Variants in SSC5D observed in about 807,000 individuals in gnomAD.
The protein encoded by SSC5D is scavenger receptor cysteine rich family member with 5 domains, also known as soluble scavenger receptor cysteine-rich domain-containing protein SSC5D.
A neutral mutation model predicts 104.6 loss-of-function variants in SSC5D; 106 were observed. The observed-to-expected ratio is 1.01, with a 90% CI of 0.87 to 1.19. SSC5D has a LOEUF of 1.19. Among genes scored for constraint, SSC5D ranks in the 50% most tolerant of loss-of-function variants. The pLI, the probability that SSC5D is intolerant of heterozygous loss-of-function variation, is 0.00. For missense variants in SSC5D, 1,993 were observed against 2,153.8 expected (o/e 0.93, Z 1.48); for synonymous variants, 860 against 883.5 (o/e 0.97, Z 0.47).
In SSC5D at chr19:55,494,722, G is replaced by C. The variant is rs61733818; in HGVS notation, c.1326G>C (p.Thr442=). 3 of 1,550,142 alleles carry C rather than the reference G, an allele frequency of 1.9e-6. No individual in the cohort carries two copies. Among genetic ancestry groups the C allele is most frequent in the Non-Finnish European group, 2.6e-6 (3 of 1,146,636 alleles). ...PSTMTSQAPG[T]AGVSPPPASP... The stretch of plus-strand genomic sequence containing the variant: ...CCATGACGAGCCAGGCTCCAGGGAC[G>C]GCAGGCGTTTCACCTCCTCCAGCCT... The change falls in exon 8 of 14, where the codon ACG becomes ACC. Residue 442 remains threonine, a synonymous_variant. Transcript: ENST00000389623.
intron 12 of SSC5D, chr19:55,504,416 C>T: frequency 8.9e-7 from 1 of 1,127,352 alleles, no homozygotes; most frequent in Non-Finnish European, 1.2e-6. Context: ...ACGAGGCAGG[C>T]ATGCATTCTT....
Position 55,501,180 on chromosome 19 carries a change from A to G in SSC5D, c.2764A>G (p.Ile922Val), listed in dbSNP as rs1474913597. The change falls in exon 12 of 14, where the codon ATA (isoleucine) becomes GTA (valine). Residue 922 changes from isoleucine to valine, a missense_variant. By Grantham distance (29) the Ile-to-Val change is conservative (BLOSUM62 3). Transcript: ENST00000389623. ...GCGCCCGGGTAGCTCCTCCCCAGCA[A>G]TAAGGCGCCTGCCGGACACAGGTGA... The part of the protein sequence containing the change: ...TRRPGSSSPA[I>V]RRLPDTGSKD... The G allele has an allele frequency of 1.5e-5, 23 of 1,538,556 alleles. No individual in the cohort carries two copies. Among genetic ancestry groups the G allele is most frequent in the Non-Finnish European group, 1.8e-5 (20 of 1,141,512 alleles).
At chr19:55,506,084 G>T (rs2123450659) in intron 12 of SSC5D, among the ~76,000 whole-genome samples, 1 of 151,874 alleles carries the variant, frequency 6.6e-6, no homozygotes, top group Non-Finnish European at 1.5e-5. Flanking sequence ...GGCTAATCAG[G>T]ATAATTTCTC....
chr19:55,517,843 C>T lies in SSC5D; in HGVS notation c.3567C>T (p.Thr1189=). The change falls in exon 14 of 14, where the codon ACC becomes ACT. Residue 1189 remains threonine, a synonymous_variant. Coordinates refer to ENST00000389623, the MANE Select transcript of SSC5D (RefSeq NM_001144950.2). The stretch of plus-strand genomic sequence containing the variant: ...CCACCACGACCCCTCACCCCACCAC[C>T]ATCACTCACTCCACCATGATTCCTG... ...PHPTTTPHPT[T]ITHSTMIPDP... is the part of the protein sequence containing the mutation. The T allele has an allele frequency of 6.6e-7, 1 of 1,512,796 alleles. No homozygotes were observed. Among genetic ancestry groups the T allele is most frequent in the Non-Finnish European group, 8.9e-7 (1 of 1,125,950 alleles). 93.7% of individuals were successfully genotyped at this position (1,512,796 alleles called of 1,614,324 possible). A position where few individuals can be genotyped will look rare whatever the true frequency, so the allele number is the denominator to read the frequency against.
rs869296361 is a variant in SSC5D, at chr19:55,506,373, A to ATT, written c.2785+5210_2785+5211dup. Among the ~76,000 whole-genome samples the ATT allele has an allele frequency of 1.9e-4, 14 of 72,064 alleles. 1 individual carries two copies. Among genetic ancestry groups the ATT allele is most frequent in the African/African-American group, 6.7e-4 (12 of 18,034 alleles). 47.3% of individuals were successfully genotyped at this position (72,064 alleles called of 152,430 possible). ...GAGATTGGAGGCCTGTGGAATTTGG[A>ATT]TTTTTTTTTTTTTTTTTTTTTTTTT... On this transcript the variant is annotated intron_variant, in intron 12 of 13. Transcript: ENST00000389623.
chr19:55,493,571 T>C, intron 6 of SSC5D, 24 bp from the exon 7 acceptor site: 1 of 1,412,480 alleles, frequency 7.1e-7, no homozygotes. Context: ...TTCCTGGCCC[T>C]GTGCTCCCTC....
chr19:55,500,791 G>A lies in SSC5D; in HGVS notation c.2604G>A (p.Gly868=), dbSNP rs1457867265. The change falls in exon 11 of 14, where the codon GGG becomes GGA. Residue 868 remains glycine (G), a synonymous_variant. Coordinates refer to ENST00000389623, the MANE Select transcript of SSC5D (RefSeq NM_001144950.2). The surrounding 1 kb of genome is among the most constrained non-coding windows in gnomAD (Gnocchi z 4.6). ...KHNCDHEEDV[G]LTCTGYTDYD... ...ACTGTGACCACGAGGAAGACGTGGG[G>A]CTCACCTGCACTGGTACCAGGGCAT... The A allele has an allele frequency of 3.2e-6, 5 of 1,549,998 alleles. No homozygotes were observed. Among genetic ancestry groups the A allele is most frequent in the Non-Finnish European group, 4.4e-6 (5 of 1,145,860 alleles).
rs765546417 is a variant in SSC5D at position 55,517,236 on chromosome 19, A to C, written c.2960A>C (p.Lys987Thr). ...CCTCCTCCTCCAGGTTCCCCGAGGAAACCGTGGCCCGAGCGCCGGCCACCG... is the reference window on the plus strand; with the variant it reads ...CCTCCTCCTCCAGGTTCCCCGAGGACACCGTGGCCCGAGCGCCGGCCACCG... Reference protein sequence around the residue: ...RVHGDTGSPRKPWPERRPPRP... With the variant: ...RVHGDTGSPRTPWPERRPPRP... The change falls in exon 14 of 14, where the codon AAA (lysine) becomes ACA (threonine). Residue 987 changes from lysine to threonine, a missense_variant. By Grantham distance (78) the Lys-to-Thr change is moderately conservative (BLOSUM62 -1). Around this residue, in one of 6 missense-constraint regions of SSC5D, gnomAD observed 423 missense variants for 409.2 expected, o/e 1.03. Coordinates refer to ENST00000389623, the MANE Select transcript of SSC5D (RefSeq NM_001144950.2). 6.5e-7 allele frequency: 1 copy of C among 1,539,434 alleles called. No individual in the cohort carries two copies.
chr19:55,517,227 C>A lies in SSC5D; in HGVS notation c.2951C>A (p.Ser984Tyr). ...PTLRVHGDTG[S>Y]PRKPWPERRP... Reference sequence around the variant, plus strand: ...TCTGTCTTTCCTCCTCCTCCAGGTTCCCCGAGGAAACCGTGGCCCGAGCGC... The same window carrying A: ...TCTGTCTTTCCTCCTCCTCCAGGTTACCCGAGGAAACCGTGGCCCGAGCGC... The change falls in exon 14 of 14, where the codon TCC becomes TAC. Residue 984 changes from serine (S) to tyrosine (Y), a missense_variant. Ser to Tyr is a moderately radical substitution (Grantham distance 144, BLOSUM62 -2). Around this residue, in one of 6 missense-constraint regions of SSC5D, gnomAD observed 423 missense variants for 409.2 expected, o/e 1.03. Coordinates refer to ENST00000389623, the MANE Select transcript of SSC5D (RefSeq NM_001144950.2). 2 of 1,537,300 alleles carry A rather than the reference C, an allele frequency of 1.3e-6. No individual in the cohort carries two copies. The highest frequency in any genetic ancestry group is 1.7e-6 in the Non-Finnish European group (2 of 1,145,890).
intron 2 of SSC5D, 130 bp downstream of exon 2, chr19:55,489,162 T>C (rs1225695304): frequency 1.1e-6 from 1 of 889,178 alleles, no homozygotes; most frequent in Non-Finnish European, 1.6e-6. Flanking sequence ...TGGCCCCAGC[T>C]CCGCAAGGGA....
In SSC5D at chr19:55,507,665, C is replaced by CAAA. The variant is rs61340967; in HGVS notation, c.2786-5325_2786-5323dup. Among the ~76,000 whole-genome samples the CAAA allele has an allele frequency of 2.0e-3, 153 of 75,430 alleles. No homozygotes were observed. In the Middle Eastern group the frequency reaches 0.034, roughly 17 times the overall value. 49.5% of individuals were successfully genotyped at this position (75,430 alleles called of 152,430 possible). On this transcript the variant is annotated intron_variant, in intron 12 of 13. Transcript: ENST00000389623. ...TGGGTGACAGAGCGAGACTCCGTCT[C>CAAA]AAAAAAAAAAAAAAAAAAAAAAAGA...
At position 55,517,589 on chromosome 19, in the gene SSC5D, C is replaced by T. The variant is rs951030368; in HGVS notation, c.3313C>T (p.Pro1105Ser). The change falls in exon 14 of 14, where the codon CCG (proline) becomes TCG (serine). Residue 1105 changes from proline (P) to serine (S), a missense_variant. Pro to Ser is a moderately conservative substitution (Grantham distance 74). Around this residue, in one of 6 missense-constraint regions of SSC5D, gnomAD observed 423 missense variants for 409.2 expected, o/e 1.03. Transcript: ENST00000389623. The stretch of plus-strand genomic sequence containing the variant: ...AGAGCTGACCTCTGACCCTTCTACA[C>T]CGTCGGAGGTGACCAGCCTTTCCCC... Reference protein sequence around the residue: ...PKELTSDPSTPSEVTSLSPTS... With the variant: ...PKELTSDPSTSSEVTSLSPTS... 2 of 1,551,666 alleles carry T rather than the reference C, an allele frequency of 1.3e-6. No individual in the cohort carries two copies. The highest frequency in any genetic ancestry group is 1.7e-6 in the Non-Finnish European group (2 of 1,147,066).
Position 55,500,450 on chromosome 19 carries a change from A to G in SSC5D, c.2302+38A>G. On this transcript the variant is annotated intron_variant, in intron 10 of 13. Coordinates refer to ENST00000389623, the MANE Select transcript of SSC5D (RefSeq NM_001144950.2). This position sits in a 1 kb window ranked among gnomAD's most constrained non-coding sequence, Gnocchi z 4.6. ...GAGGGGTGTGGGGAGAGAATGGGAG[A>G]GGCTGACCCTCCCTCCTGACCTAAG... 1.3e-6 allele frequency: 2 copies of G among 1,547,962 alleles called. No individual in the cohort carries two copies.
At chr19:55,516,944 C>A (rs1277861354) in intron 13 of SSC5D, among the ~76,000 whole-genome samples, 1 of 151,876 alleles carries the variant, frequency 6.6e-6, no homozygotes, top group African/African-American at 2.4e-5. Flanking sequence ...CCTCACCTCA[C>A]CCTCCTGCAC....
chr19:55,500,164 C>G lies in SSC5D; in HGVS notation c.2054C>G (p.Thr685Ser). 6.4e-7 allele frequency: 1 copy of G among 1,551,520 alleles called. No homozygotes were observed. The highest frequency in any genetic ancestry group is 1.7e-4 in the Middle Eastern group (1 of 5,988). ...RPTSEFTRRP[T>S]TEAPQRWTSH... The stretch of plus-strand genomic sequence containing the variant: ...ACCTCTGAGTTTACCAGAAGGCCGA[C>G]CACGGAGGCCCCCCAGAGATGGACC... The change falls in exon 10 of 14, where the codon ACC becomes AGC. Residue 685 changes from threonine (T) to serine (S), a missense_variant. Physicochemically the swap from Thr to Ser is moderately conservative, Grantham distance 58. This residue lies in a region of SSC5D where 1,101 missense variants were observed against 1,085.0 expected (regional missense o/e 1.01). Transcript: ENST00000389623. This position sits in a 1 kb window ranked among gnomAD's most constrained non-coding sequence, Gnocchi z 4.6.
At position 55,500,688 on chromosome 19, in the gene SSC5D, T is replaced by C. The variant is rs554995136; in HGVS notation, c.2501T>C (p.Ile834Thr). The change falls in exon 11 of 14, where the codon ATC (isoleucine) becomes ACC (threonine). Residue 834 changes from isoleucine to threonine, a missense_variant. Physicochemically the swap from Ile to Thr is moderately conservative, Grantham distance 89 (BLOSUM62 -1). Coordinates refer to ENST00000389623, the MANE Select transcript of SSC5D (RefSeq NM_001144950.2). This position sits in a 1 kb window ranked among gnomAD's most constrained non-coding sequence, Gnocchi z 4.6. ...KTHYGPGTGP[I>T]WLDDMGCKGS... ...CATTACGGCCCTGGGACTGGGCCCATCTGGCTGGATGACATGGGCTGTAAG... is the reference window on the plus strand; with the variant it reads ...CATTACGGCCCTGGGACTGGGCCCACCTGGCTGGATGACATGGGCTGTAAG... 6.4e-7 allele frequency: 1 copy of C among 1,551,674 alleles called. No homozygotes were observed. The highest frequency in any genetic ancestry group is 2.4e-5 in the East Asian group (1 of 40,914).
chr19:55,489,645 C>T lies in SSC5D; in HGVS notation c.344C>T (p.Ala115Val), dbSNP rs1263729117. 38 of 1,533,124 alleles carry T rather than the reference C, an allele frequency of 2.5e-5. No homozygotes were observed. Among genetic ancestry groups the T allele is most frequent in the East Asian group, 4.9e-5 (2 of 40,854 alleles). 95.0% of individuals were successfully genotyped at this position (1,533,124 alleles called of 1,614,324 possible). Residue 115 changes from alanine (A) to valine (V), a missense_variant, in exon 3 of 14, where the codon GCG becomes GTG. Ala to Val is a moderately conservative substitution (Grantham distance 64). Transcript: ENST00000389623. ...KAHICSHEED[A>V]GVVCAGQRVA... ...CACATCTGCTCCCACGAGGAGGACG[C>T]GGGCGTCGTCTGCGCAGGTGAGGAC...
Position 55,518,702 on chromosome 19 carries a change from C to T in SSC5D, c.4426C>T (p.Pro1476Ser), listed in dbSNP as rs1473492943. 6.4e-6 allele frequency: 10 copies of T among 1,550,860 alleles called. No homozygotes were observed. Among genetic ancestry groups the T allele is most frequent in the Non-Finnish European group, 7.8e-6 (9 of 1,146,834 alleles). Residue 1476 changes from proline to serine, a missense_variant, in exon 14 of 14, where the codon CCA (proline) becomes TCA (serine). By Grantham distance (74) the Pro-to-Ser change is moderately conservative. This residue lies in a region of SSC5D where 349 missense variants were observed against 397.6 expected (regional missense o/e 0.88). Coordinates refer to ENST00000389623, the MANE Select transcript of SSC5D (RefSeq NM_001144950.2). Reference protein sequence around the residue: ...SPGPHGPCVAPTPPVRVMACE... With the variant: ...SPGPHGPCVASTPPVRVMACE... ...AGGCCCCCATGGTCCATGTGTGGCC[C>T]CAACACCACCTGTAAGGGTCATGGC...
At chr19:55,493,984 G>GGAC in intron 7 of SSC5D, 72 bp downstream of exon 7, 1 of 296,532 alleles carries the variant, frequency 3.4e-6, no homozygotes, top group South Asian at 2.3e-5. Flanking sequence ...AGTTCGGCGG[G>GGAC]GGCGGGGGGG....
Sources: gnomAD v4.1 joint callset for allele counts (sites outside exome capture counted in the v4.1 genomes callset) on GRCh38, gnomAD v4.1.1 for gene constraint, gnomAD v4.1.1 regional missense constraint, Gnocchi (gnomAD v3.1) non-coding constraint, MANE v1.5 for transcripts, NCBI Gene and HGNC (gene_info 2026-07-23, HGNC 2026-07-21) for gene names.